AKT3: variants seen among roughly 807,000 people sequenced by gnomAD.
AKT3 encodes AKT serine/threonine kinase 3.
Under a neutral mutation model 65.3 loss-of-function variants are expected in AKT3, and 15 were observed. The ratio of observed to expected loss-of-function variants is 0.23; its 90% confidence interval spans 0.15 to 0.35. The LOEUF (loss-of-function observed/expected upper bound fraction) is 0.35. AKT3 is among the 10% of genes least tolerant of loss of function. The probability of loss-of-function intolerance (pLI) is 1.00; values close to 1 mark genes in which losing one functional copy is unlikely to be tolerated. For synonymous variants in AKT3, 206 were observed against 183.8 expected (o/e 1.12, Z -0.98); for missense variants, 243 against 576.5 (o/e 0.42, Z 5.92).
At chr1:243,618,986 T>C (rs1221168407) in intron 6 of AKT3, among the ~76,000 whole-genome samples, 1 of 152,142 alleles carries the variant, frequency 6.6e-6, no homozygotes, top group Non-Finnish European at 1.5e-5. Context: ...AGTTCAATAG[T>C]AAAGGTCATT....
intron 2 of AKT3, among the ~76,000 whole-genome samples, chr1:243,776,668 A>G (rs1531244): frequency 0.52 from 78,614 of 152,062 alleles, 23,935 homozygotes; most frequent in Non-Finnish European, 0.68. Flanking sequence ...CCCATTTTAC[A>G]GAAGAAAAAA....
intron 3 of AKT3, among the ~76,000 whole-genome samples, chr1:243,680,184 A>G (rs969797607): frequency 6.6e-6 from 1 of 152,156 alleles, no homozygotes; most frequent in Non-Finnish European, 1.5e-5. Flanking sequence ...TTCTGAGTGC[A>G]TGGGTTGGGG....
At chr1:243,675,300 C>T (rs879496170) in intron 3 of AKT3, among the ~76,000 whole-genome samples, 8 of 152,144 alleles carry the variant, frequency 5.3e-5, no homozygotes, top group South Asian at 4.1e-4. Flanking sequence ...CCTGGGCTCA[C>T]GCCATTCTCC....
At chr1:243,599,254 T>C (rs1437940248) in intron 8 of AKT3, among the ~76,000 whole-genome samples, 1 of 151,924 alleles carries the variant, frequency 6.6e-6, no homozygotes, top group Non-Finnish European at 1.5e-5. Flanking sequence ...AAAAGGAAAA[T>C]GTAATAGATG....
intron 13 of AKT3, among the ~76,000 whole-genome samples, chr1:243,510,251 C>T (rs1450676945): frequency 6.6e-6 from 1 of 152,118 alleles, no homozygotes; most frequent in Admixed American, 6.5e-5. Context: ...AGGCCCTCAC[C>T]ATATTCTGTG....
chr1:243,839,798 A>G lies in AKT3; in HGVS notation c.46+3327T>C, dbSNP rs991838689. Among the ~76,000 whole-genome samples, 5 of 151,852 alleles carry G rather than the reference A, an allele frequency of 3.3e-5. No individual in the cohort carries two copies. In the East Asian group the frequency reaches 9.7e-4, roughly 29 times the overall value. ...AAGACTAATATTCAAAGTAATAACT[A>G]TATTATAACTTTATTATATCAATTT... On this transcript the variant is annotated intron_variant, in intron 2 of 13. Coordinates refer to ENST00000673466, the MANE Select transcript of AKT3 (RefSeq NM_005465.7).
chr1:243,500,083 T>C lies in AKT3; in HGVS notation c.*5166A>G, dbSNP rs182270139. The stretch of plus-strand genomic sequence containing the variant: ...ACATATGATTTTCAATAAATGAACT[T>C]TTTAAAGACTTGAGTTGTAATGTTT... On this transcript the variant is annotated 3_prime_UTR_variant, in exon 14 of 14. Coordinates refer to ENST00000673466, the MANE Select transcript of AKT3 (RefSeq NM_005465.7). 3.8e-4 allele frequency: 159 copies of C among 414,252 alleles called. No individual in the cohort carries two copies. The highest frequency in any genetic ancestry group is 2.3e-3 in the African/African-American group (117 of 51,080). The allele number at this position is 414,252 out of a possible 1,614,324, so 25.7% of individuals were successfully genotyped here. A position where few individuals can be genotyped will look rare whatever the true frequency, so the allele number is the denominator to read the frequency against.
intron 13 of AKT3, among the ~76,000 whole-genome samples, chr1:243,511,424 CA>C (rs1670007110): frequency 6.6e-6 from 1 of 152,272 alleles, no homozygotes; most frequent in African/African-American, 2.4e-5. Context: ...CATTAGCCTC[CA>C]ATCGCCCCTC....
intron 2 of AKT3, among the ~76,000 whole-genome samples, chr1:243,773,846 C>T (rs931188503): frequency 1.3e-5 from 2 of 152,194 alleles, no homozygotes; most frequent in African/African-American, 4.8e-5. Flanking sequence ...TAACAGACGT[C>T]AATGTTTGAA....
At chr1:243,804,006 T>C (rs942572682) in intron 2 of AKT3, among the ~76,000 whole-genome samples, 2 of 152,212 alleles carry the variant, frequency 1.3e-5, no homozygotes, top group African/African-American at 2.4e-5. Flanking sequence ...AATGAAGCCA[T>C]GGCAGGTGGA....
In AKT3 at chr1:243,572,982, T is replaced by C; in HGVS notation, c.763A>G (p.Ile255Val). 6.2e-7 allele frequency: 1 copy of C among 1,613,560 alleles called. No individual in the cohort carries two copies. Among genetic ancestry groups the C allele is most frequent in the South Asian group, 1.1e-5 (1 of 91,066 alleles). Residue 255 changes from isoleucine to valine, a missense_variant, in exon 9 of 14, where the codon ATT becomes GTT. This residue lies in a region of AKT3 where 61 missense variants were observed against 163.3 expected (regional missense o/e 0.37). Transcript: ENST00000673466. ...EDRTRFYGAE[I>V]VSALDYLHSG... The stretch of plus-strand genomic sequence containing the variant: ...TGTAGATAGTCCAAGGCAGAGACAA[T>C]TTCTGCACCATAGAAACGTGTGCGG...
At chr1:243,526,090 T>G (rs1671052533) in intron 12 of AKT3, among the ~76,000 whole-genome samples, 1 of 151,756 alleles carries the variant, frequency 6.6e-6, no homozygotes, top group Non-Finnish European at 1.5e-5. Context: ...TTTCCCTGAT[T>G]GTGGGAGCTA....
At chr1:243,568,635 T>G (rs1170552052) in intron 9 of AKT3, among the ~76,000 whole-genome samples, 1 of 152,204 alleles carries the variant, frequency 6.6e-6, no homozygotes, top group Non-Finnish European at 1.5e-5. Context: ...ATTACTATGT[T>G]TCCTCCTGTT....
chr1:243,543,865 T>C (rs561539207), intron 12 of AKT3, among the ~76,000 whole-genome samples: 29 of 152,256 alleles, frequency 1.9e-4, no homozygotes, highest in Non-Finnish European at 2.8e-4. Flanking sequence ...ATGCACCTAT[T>C]TTAAATTCCT....
chr1:243,790,264 T>C, intron 2 of AKT3, among the ~76,000 whole-genome samples: 1 of 152,246 alleles, frequency 6.6e-6, no homozygotes, highest in East Asian at 1.9e-4. Flanking sequence ...TATTGTTTAG[T>C]GTAACCACCT....
chr1:243,660,529 C>G (rs1054208156), intron 4 of AKT3, among the ~76,000 whole-genome samples: 1 of 152,190 alleles, frequency 6.6e-6, no homozygotes, highest in African/African-American at 2.4e-5. Flanking sequence ...GCTAACAACT[C>G]TCAATAAATT....
At chr1:243,499,612 C>A (rs1574483915), downstream of AKT3, 2 of 721,596 alleles carry the variant, frequency 2.8e-6, no homozygotes, top group South Asian at 1.5e-5. Context: ...ACAAACTTTT[C>A]ATATAATTTC....
In AKT3 at chr1:243,589,115, G is replaced by T. The variant is rs149773061; in HGVS notation, c.697-16067C>A. ...GAGGTCAGGAATTTGAGACCAGCCT[G>T]ACCAACATGGTGAAACCCCGTCTCT... On this transcript the variant is annotated intron_variant, in intron 8 of 13. Transcript: ENST00000673466. Among the ~76,000 whole-genome samples, 224 of 152,088 alleles carry T rather than the reference G, an allele frequency of 1.5e-3. 1 individual carries two copies. The highest frequency in any genetic ancestry group is 0.012 in the South Asian group (58 of 4,816).
At chr1:243,578,532 G>A (rs540245941) in intron 8 of AKT3, among the ~76,000 whole-genome samples, 3 of 152,200 alleles carry the variant, frequency 2.0e-5, no homozygotes, top group Non-Finnish European at 4.4e-5. Context: ...AGGGCTTGTG[G>A]GGCAGAGCCA....
Sources: allele counts gnomAD v4.1 joint callset (sites outside exome capture counted in the v4.1 genomes callset), GRCh38; gene constraint gnomAD v4.1.1; regional missense constraint gnomAD v4.1.1; transcripts MANE v1.5; gene names NCBI Gene and HGNC (gene_info 2026-07-23, HGNC 2026-07-21).